The following RAD51B variants were observed in gnomAD, a reference collection of about 807,000 sequenced individuals.
RAD51B encodes DNA repair protein RAD51 homolog 2.
RAD51B carries 38 observed loss-of-function variants against 42.2 expected under a neutral mutation model. The observed-to-expected ratio is 0.90, with a 90% confidence interval of 0.70 to 1.18. The LOEUF is 1.18. RAD51B is among the 50% of genes most tolerant of loss of function. The pLI, the probability that RAD51B is intolerant of heterozygous loss-of-function variation, is 0.00. For missense variants in RAD51B, 373 were observed against 400.7 expected, an observed-to-expected ratio of 0.93 and a Z score of 0.59; for synonymous variants, 154 against 145.2, an observed-to-expected ratio of 1.06 and a Z score of -0.43.
intron 10 of RAD51B, among the ~76,000 whole-genome samples, chr14:68,471,115 T>TGGA (rs1176548809): frequency 3.3e-5 from 5 of 152,214 alleles, no homozygotes; most frequent in Admixed American, 6.5e-5. Flanking sequence ...CGAGTTGGTG[T>TGGA]GGAGGTTGGC....
intron 11 of RAD51B, among the ~76,000 whole-genome samples, chr14:68,660,038 C>T (rs916759517): frequency 7.2e-5 from 11 of 152,172 alleles, no homozygotes; most frequent in Non-Finnish European, 1.2e-4. Flanking sequence ...AGCTTTTAAA[C>T]GAATAAGCCA....
intron 10 of RAD51B, among the ~76,000 whole-genome samples, chr14:68,517,792 G>A (rs1319627416): frequency 6.6e-6 from 1 of 152,186 alleles, no homozygotes; most frequent in Non-Finnish European, 1.5e-5. Flanking sequence ...TTTTATTTAA[G>A]GGAGATATTT....
intron 11 of RAD51B, among the ~76,000 whole-genome samples, chr14:68,660,168 T>C (rs1892903991): frequency 3.3e-5 from 5 of 152,250 alleles, no homozygotes; most frequent in Admixed American, 3.3e-4. Flanking sequence ...CCACTCAGTT[T>C]CAGCTGGGTA....
chr14:68,548,167 G>A (rs1888333483), intron 10 of RAD51B, among the ~76,000 whole-genome samples: 1 of 152,200 alleles, frequency 6.6e-6, no homozygotes, highest in Non-Finnish European at 1.5e-5. Context: ...TAAGAAGGCT[G>A]AGATACCGAG....
chr14:68,257,790 A>G (rs1317875387), intron 7 of RAD51B, among the ~76,000 whole-genome samples: 6 of 152,126 alleles, frequency 3.9e-5, no homozygotes, highest in Non-Finnish European at 1.5e-5. Context: ...TTGACATCTT[A>G]ACTCAATTGT....
chr14:68,560,297 A>C (rs1234939051), intron 10 of RAD51B, among the ~76,000 whole-genome samples: 1 of 152,154 alleles, frequency 6.6e-6, no homozygotes, highest in Non-Finnish European at 1.5e-5. Flanking sequence ...AATTTCATAA[A>C]GGATTTTTGT....
chr14:68,481,026 C>G (rs1319459189), downstream of RAD51B, among the ~76,000 whole-genome samples: 4 of 152,202 alleles, frequency 2.6e-5, no homozygotes, highest in African/African-American at 9.7e-5. Context: ...AGAACCCCTT[C>G]TTAGTCCATG....
rs899031000 is a variant in RAD51B, at chr14:68,540,609, A to AC, written c.1037-53870dup. 1.6e-4 allele frequency: 155 copies of AC among 985,184 alleles called. 1 individual carries two copies. The highest frequency in any genetic ancestry group is 3.1e-4 in the Admixed American group (5 of 16,244). The allele number at this position is 985,184 out of a possible 1,614,324, so 61.0% of individuals were successfully genotyped here. A position where few individuals can be genotyped will look rare whatever the true frequency, so the allele number is the denominator to read the frequency against. ...AGGTGCTGTGCAAGTATATAATGAC[A>AC]CCCCCCAACCCAAAGAAAGTCACCT... On this transcript the variant is annotated intron_variant, in intron 10 of 10. Transcript: ENST00000487270.
chr14:68,082,891 A>G (rs974754804), intron 7 of RAD51B, among the ~76,000 whole-genome samples: 1 of 152,212 alleles, frequency 6.6e-6, no homozygotes, highest in African/African-American at 2.4e-5. Context: ...AGGTATTTGC[A>G]TATAGACATC....
At chr14:68,183,991 G>T (rs1241735965) in intron 7 of RAD51B, among the ~76,000 whole-genome samples, 2 of 151,448 alleles carry the variant, frequency 1.3e-5, no homozygotes, top group Non-Finnish European at 2.9e-5. Context: ...ACTCGGGGGG[G>T]GTGAGGCAGG....
intron 7 of RAD51B, among the ~76,000 whole-genome samples, chr14:68,023,868 TTTG>T (rs1397843924): frequency 1.8e-4 from 27 of 152,164 alleles, no homozygotes; most frequent in African/African-American, 6.0e-4. Context: ...CTTGTCAATT[TTTG>T]TTGTTGTTGT....
intron 8 of RAD51B, among the ~76,000 whole-genome samples, chr14:68,362,263 G>T (rs1488639501): frequency 6.6e-6 from 1 of 152,062 alleles, no homozygotes; most frequent in African/African-American, 2.4e-5. Flanking sequence ...CTTGACTGGG[G>T]TACTAAAATT....
chr14:68,113,189 T>C (rs1470686226), intron 7 of RAD51B, among the ~76,000 whole-genome samples: 2 of 152,122 alleles, frequency 1.3e-5, no homozygotes, highest in African/African-American at 4.8e-5. Flanking sequence ...ATATTGTCCC[T>C]ATTGTAAAAG....
intron 10 of RAD51B, among the ~76,000 whole-genome samples, chr14:68,547,959 C>T (rs933313640): frequency 2.0e-5 from 3 of 152,272 alleles, no homozygotes; most frequent in Admixed American, 1.3e-4. Context: ...CTGGAAGAAT[C>T]CAGAGCAAAA....
intron 7 of RAD51B, among the ~76,000 whole-genome samples, chr14:68,158,371 A>G (rs890964848): frequency 1.3e-5 from 2 of 152,210 alleles, no homozygotes; most frequent in African/African-American, 4.8e-5. Context: ...TGCCAAGTAA[A>G]TGGTTTAGAT....
chr14:68,458,771 A>T (rs1177748871), intron 9 of RAD51B, among the ~76,000 whole-genome samples: 1 of 151,866 alleles, frequency 6.6e-6, no homozygotes, highest in Admixed American at 6.6e-5. Context: ...CTGTAGAAAA[A>T]CTTGGGAAGT....
At chr14:68,477,257 T>C (rs1218833672) in intron 10 of RAD51B, among the ~76,000 whole-genome samples, 1 of 152,208 alleles carries the variant, frequency 6.6e-6, no homozygotes, top group African/African-American at 2.4e-5. Context: ...GTGCTAGATA[T>C]AGCACAAAAC....
intron 8 of RAD51B, among the ~76,000 whole-genome samples, chr14:68,299,216 G>A (rs1172699982): frequency 1.3e-5 from 2 of 151,850 alleles, no homozygotes; most frequent in African/African-American, 2.4e-5. Flanking sequence ...ACACATTATG[G>A]ACCATATACT....
chr14:68,527,355 G>A (rs1428258364), intron 10 of RAD51B, among the ~76,000 whole-genome samples: 2 of 152,214 alleles, frequency 1.3e-5, no homozygotes, highest in African/African-American at 2.4e-5. Flanking sequence ...TGGGGGAAGG[G>A]GACAAAAGGA....
Sources: allele counts gnomAD v4.1 joint callset (sites outside exome capture counted in the v4.1 genomes callset), GRCh38; gene constraint gnomAD v4.1.1; transcripts MANE v1.5; gene names NCBI Gene and HGNC (gene_info 2026-07-23, HGNC 2026-07-21).